Variants in CREB5 observed in about 807,000 individuals in gnomAD.
CREB5 encodes the protein cAMP responsive element binding protein 5.
Under a neutral mutation model 57.1 loss-of-function variants are expected in CREB5, and 19 were observed. The observed-to-expected ratio is 0.33, with a 90% CI of 0.23 to 0.49. CREB5 has a LOEUF of 0.49. Among genes scored for constraint, CREB5 ranks in the 20% least tolerant of loss-of-function variants. The pLI, the probability that CREB5 is intolerant of heterozygous loss-of-function variation, is 0.99. For missense variants in CREB5, 579 were observed against 671.6 expected, an observed-to-expected ratio of 0.86 and a Z score of 1.52; for synonymous variants, 238 against 238.3, an observed-to-expected ratio of 1.00 and a Z score of 0.01.
rs755501873 is a variant in CREB5 at position 28,698,201 on chromosome 7, C to T, written c.465-20552C>T. Among the ~76,000 whole-genome samples the T allele has an allele frequency of 2.0e-4, 30 of 152,116 alleles. 1 individual carries two copies. Among genetic ancestry groups the T allele is most frequent in the Admixed American group, 8.5e-4 (13 of 15,274 alleles). The stretch of plus-strand genomic sequence containing the variant: ...AATGGTTTGAGACATTTTTACCGAA[C>T]GCAAAATGCCATTGAGTTTCCCTAT... On this transcript the variant is annotated intron_variant, in intron 5 of 10. Coordinates refer to ENST00000357727, the MANE Select transcript of CREB5 (RefSeq NM_182898.4).
chr7:28,692,058 C>T (rs115317663), intron 5 of CREB5, among the ~76,000 whole-genome samples: 1,519 of 150,362 alleles, frequency 0.01, 35 homozygotes, highest in African/African-American at 0.035. Flanking sequence ...TGGTGGCATG[C>T]GCACGTAGTC....
intron 5 of CREB5, among the ~76,000 whole-genome samples, chr7:28,591,103 C>T (rs1473431879): frequency 2.6e-5 from 4 of 152,202 alleles, no homozygotes; most frequent in Non-Finnish European, 5.9e-5. Context: ...AAAATGTCTA[C>T]TTTTACTCCA....
At chr7:28,809,040 T>C (rs1421375397) in intron 8 of CREB5, 147 bp from the exon 9 acceptor site, 2 of 657,294 alleles carry the variant, frequency 3.0e-6, no homozygotes, top group Non-Finnish European at 5.3e-6. Context: ...TTTCATCGTC[T>C]GTTTCATTCA....
At chr7:28,401,558 C>T (rs564758330) in intron 1 of CREB5, among the ~76,000 whole-genome samples, 1 of 152,288 alleles carries the variant, frequency 6.6e-6, no homozygotes, top group African/African-American at 2.4e-5. Flanking sequence ...TGCTATCCCT[C>T]TCCCCTTTCC....
At chr7:28,568,593 A>G (rs1387966882) in intron 4 of CREB5, among the ~76,000 whole-genome samples, 1 of 152,160 alleles carries the variant, frequency 6.6e-6, no homozygotes, top group Non-Finnish European at 1.5e-5. Flanking sequence ...TACTTTACCC[A>G]ATCATAGTGT....
At chr7:28,459,705 AG>A (rs34511186) in intron 1 of CREB5, among the ~76,000 whole-genome samples, 1 of 152,140 alleles carries the variant, frequency 6.6e-6, no homozygotes, top group African/African-American at 2.4e-5. Flanking sequence ...GGGTGACGTA[AG>A]GGGGTGCAGA....
At chr7:28,560,865 C>T (rs1210920055) in intron 4 of CREB5, among the ~76,000 whole-genome samples, 329 of 14,786 alleles carry the variant, frequency 0.022, 29 homozygotes, top group Non-Finnish European at 0.029. Context: ...TGTGCGTGTG[C>T]CTGCGTGCGC....
chr7:28,773,211 G>A (rs934991484), intron 7 of CREB5, among the ~76,000 whole-genome samples: 2 of 151,884 alleles, frequency 1.3e-5, no homozygotes, highest in African/African-American at 4.8e-5. Flanking sequence ...TGACTATGTG[G>A]AACTCTACCT....
chr7:28,407,120 G>T (rs1418249686), intron 1 of CREB5, among the ~76,000 whole-genome samples: 2 of 151,818 alleles, frequency 1.3e-5, no homozygotes, highest in African/African-American at 2.4e-5. Flanking sequence ...TGTGATCTCA[G>T]CTCACTGCAA....
intron 4 of CREB5, among the ~76,000 whole-genome samples, chr7:28,560,277 A>G (rs1284009589): frequency 1.3e-5 from 2 of 152,114 alleles, no homozygotes; most frequent in Non-Finnish European, 2.9e-5. Context: ...GAAGGTGAAA[A>G]TTTGAAGTCA....
At chr7:28,621,928 C>G (rs1271520308) in intron 5 of CREB5, among the ~76,000 whole-genome samples, 1 of 152,178 alleles carries the variant, frequency 6.6e-6, no homozygotes, top group Middle Eastern at 3.2e-3. Flanking sequence ...GGAAAAGACT[C>G]ACCCAAACGC....
intron 1 of CREB5, among the ~76,000 whole-genome samples, chr7:28,403,098 T>C (rs910987448): frequency 1.2e-4 from 18 of 152,190 alleles, no homozygotes; most frequent in African/African-American, 4.3e-4. Context: ...ATGTCAAGAC[T>C]GGAAGGGTAA....
rs181650185 is a variant in CREB5 at position 28,389,908 on chromosome 7, C to T, written c.-25+90467C>T. Among the ~76,000 whole-genome samples, 631 of 152,138 alleles carry T rather than the reference C, an allele frequency of 4.1e-3. 3 individuals are homozygous for T. Among genetic ancestry groups the T allele is most frequent in the African/African-American group, 0.014 (575 of 41,498 alleles). On this transcript the variant is annotated intron_variant, in intron 1 of 9. Coordinates refer to the CREB5 transcript ENST00000396299. ...CTCGGCATCGATAACACACTGTATG[C>T]CCTGTTGTGCTACATGTTGAATGAT...
intron 1 of CREB5, among the ~76,000 whole-genome samples, chr7:28,364,521 A>T (rs973733146): frequency 2.6e-5 from 4 of 152,140 alleles, no homozygotes; most frequent in Non-Finnish European, 4.4e-5. Flanking sequence ...CAACAGGCAA[A>T]TTCCTTCATT....
intron 7 of CREB5, among the ~76,000 whole-genome samples, chr7:28,773,037 G>T (rs185102953): frequency 2.2e-3 from 332 of 151,052 alleles, no homozygotes; most frequent in Non-Finnish European, 3.8e-3. Flanking sequence ...CAGGGTTTTC[G>T]AGAGCTTTAG....
chr7:28,568,530 C>T lies in CREB5; in HGVS notation c.292-1835C>T, dbSNP rs75015413. On this transcript the variant is annotated intron_variant, in intron 4 of 10. Transcript: ENST00000357727. ...TAAATCTCTAGATCCTATAAAAAAA[C>T]GAAAGTGTGTTCCTGCACTGCCACC... Among the ~76,000 whole-genome samples the T allele has an allele frequency of 7.3e-3, 1,114 of 152,262 alleles. 14 individuals carry two copies. The highest frequency in any genetic ancestry group is 0.025 in the African/African-American group (1,040 of 41,554).
At chr7:28,731,045 G>A (rs534364798) in intron 7 of CREB5, among the ~76,000 whole-genome samples, 1 of 152,310 alleles carries the variant, frequency 6.6e-6, no homozygotes, top group South Asian at 2.1e-4. Flanking sequence ...TTGGAGAGGA[G>A]TCTTCTCTAA....
In CREB5 at chr7:28,547,546, A is replaced by G. The variant is rs144835161; in HGVS notation, c.292-22819A>G. ...GTGAGGCATTATGAGGCCCACCAAC[A>G]TTATGAAGGATAATCTGCTTTATTC... is the stretch of plus-strand genomic sequence containing the variant. On this transcript the variant is annotated intron_variant, in intron 4 of 10. Coordinates refer to ENST00000357727, the MANE Select transcript of CREB5 (RefSeq NM_182898.4). Among the ~76,000 whole-genome samples the G allele has an allele frequency of 5.6e-3, 851 of 152,288 alleles. 8 individuals are homozygous for G. The highest frequency in any genetic ancestry group is 0.018 in the African/African-American group (761 of 41,568).
At chr7:28,566,326 T>G (rs1795475691) in intron 4 of CREB5, among the ~76,000 whole-genome samples, 1 of 152,250 alleles carries the variant, frequency 6.6e-6, no homozygotes, top group African/African-American at 2.4e-5. Context: ...TTGACAAGCA[T>G]GATTTTTACA....
Sources: gnomAD v4.1 joint callset for allele counts (sites outside exome capture counted in the v4.1 genomes callset) on GRCh38, gnomAD v4.1.1 for gene constraint, MANE v1.5 for transcripts, NCBI Gene and HGNC (gene_info 2026-07-23, HGNC 2026-07-21) for gene names.